R3HDM1: variants seen among roughly 807,000 people sequenced by gnomAD.
R3HDM1 encodes the protein R3H domain-containing protein 1.
Under a neutral mutation model 141.1 loss-of-function variants are expected in R3HDM1, and 46 were observed. The observed-to-expected ratio is 0.33, with a 90% CI of 0.26 to 0.42. The LOEUF is 0.42. R3HDM1 is among the 10% of genes least tolerant of loss of function. R3HDM1 has a pLI of 1.00. For synonymous variants in R3HDM1, 435 were observed against 472.9 expected (o/e 0.92, Z 1.04); for missense variants, 1,184 against 1,368.3 (o/e 0.87, Z 2.12).
intron 1 of R3HDM1, among the ~76,000 whole-genome samples, chr2:135,545,125 G>A (rs1698414753): frequency 6.6e-6 from 1 of 152,054 alleles, no homozygotes; most frequent in Non-Finnish European, 1.5e-5. Flanking sequence ...TATTCCAATG[G>A]TAATTTTAAT....
intron 16 of R3HDM1, 38 bp from the exon 17 acceptor site, chr2:135,649,864 C>A: frequency 8.7e-7 from 1 of 1,143,318 alleles, no homozygotes; most frequent in Non-Finnish European, 1.1e-6. Flanking sequence ...ACGTTTTATT[C>A]TGACATTAAC....
chr2:135,536,471 A>G lies in R3HDM1; in HGVS notation c.-250+4838A>G, dbSNP rs1009130862. ...CTATTTCATAAATAGTGGATTGCAC[A>G]GCATGTTTAAATCATGTTTGCTTTA... On this transcript the variant is annotated intron_variant, in intron 1 of 26. Coordinates refer to ENST00000683871, the MANE Select transcript of R3HDM1 (RefSeq NM_001378107.1). 4.8e-6 allele frequency: 4 copies of G among 838,060 alleles called. No homozygotes were observed. In the African/African-American group the frequency reaches 5.6e-5, roughly 12 times the overall value. The allele number at this position is 838,060 out of a possible 1,614,324, so 51.9% of individuals were successfully genotyped here. A position where few individuals can be genotyped will look rare whatever the true frequency, so the allele number is the denominator to read the frequency against.
At chr2:135,630,490 G>A (rs567017403) in intron 7 of R3HDM1, among the ~76,000 whole-genome samples, 1 of 151,826 alleles carries the variant, frequency 6.6e-6, no homozygotes, top group Non-Finnish European at 1.5e-5. Flanking sequence ...AAGTAGACAT[G>A]TTTTTCTGTT....
chr2:135,613,314 C>G (rs1216337532), intron 3 of R3HDM1, among the ~76,000 whole-genome samples: 2 of 152,204 alleles, frequency 1.3e-5, no homozygotes, highest in Non-Finnish European at 2.9e-5. Context: ...TTCTGAGAGG[C>G]TGCTCATAGT....
intron 1 of R3HDM1, chr2:135,597,341 AT>A: frequency 1.1e-6 from 1 of 908,602 alleles, no homozygotes; most frequent in Non-Finnish European, 1.3e-6. Flanking sequence ...TATTTGGTAA[AT>A]TTTTGTTAAA....
intron 1 of R3HDM1, among the ~76,000 whole-genome samples, chr2:135,594,967 G>C (rs971419184): frequency 2.0e-5 from 3 of 146,622 alleles, no homozygotes; most frequent in African/African-American, 7.9e-5. Context: ...GTGTTCCCTA[G>C]GGATTCTACA....
intron 20 of R3HDM1, among the ~76,000 whole-genome samples, chr2:135,679,316 CCTACTATAA>C (rs2069805933): frequency 6.6e-6 from 1 of 152,056 alleles, no homozygotes; most frequent in South Asian, 2.1e-4. Context: ...TTACTGAATG[CCTACTATAA>C]CTAGATACTT....
Position 135,724,022 on chromosome 2 carries a change from A to C in R3HDM1, c.3135A>C (p.Lys1045Asn). Residue 1045 changes from lysine (K) to asparagine (N), a missense_variant, in exon 27 of 27, where the codon AAA (lysine) becomes AAC (asparagine). Physicochemically the swap from Lys to Asn is moderately conservative, Grantham distance 94 (BLOSUM62 0). Transcript: ENST00000683871. ...EAEKLFGELF[K>N]IGAKIRWLRD... The stretch of plus-strand genomic sequence containing the variant: ...AAAAGCTTTTTGGGGAACTCTTTAA[A>C]ATTGGCGCCAAGATCCGGTGGCTCC... 4 of 1,613,986 alleles carry C rather than the reference A, an allele frequency of 2.5e-6. No individual in the cohort carries two copies. Among genetic ancestry groups the C allele is most frequent in the Non-Finnish European group, 3.4e-6 (4 of 1,180,008 alleles).
chr2:135,625,581 G>T (rs527727494), intron 7 of R3HDM1, among the ~76,000 whole-genome samples: 3 of 152,122 alleles, frequency 2.0e-5, no homozygotes, highest in African/African-American at 7.2e-5. Context: ...AATCTCCAAA[G>T]AGCTATCTTT....
intron 18 of R3HDM1, among the ~76,000 whole-genome samples, chr2:135,660,914 T>C (rs928658045): frequency 3.3e-5 from 5 of 151,316 alleles, no homozygotes; most frequent in Non-Finnish European, 7.4e-5. Context: ...AGTAAATAGA[T>C]ATATACTGTA....
chr2:135,711,808 A>T (rs900981837), intron 23 of R3HDM1, among the ~76,000 whole-genome samples: 2 of 151,892 alleles, frequency 1.3e-5, no homozygotes, highest in African/African-American at 4.8e-5. Context: ...AAAATACAAA[A>T]CTTAGCTGGA....
intron 21 of R3HDM1, among the ~76,000 whole-genome samples, chr2:135,693,758 A>G (rs609824): frequency 0.014 from 2,130 of 152,356 alleles, 47 homozygotes; most frequent in African/African-American, 0.048. Flanking sequence ...CTGTAATCCC[A>G]GCACTCTGGG....
At chr2:135,584,101 G>A in intron 1 of R3HDM1, 1 of 950,314 alleles carries the variant, frequency 1.1e-6, no homozygotes. Flanking sequence ...GCCAAAGCAG[G>A]TGGATCACTT....
chr2:135,609,400 G>A (rs9679373), intron 3 of R3HDM1, among the ~76,000 whole-genome samples: 2 of 152,108 alleles, frequency 1.3e-5, no homozygotes, highest in Non-Finnish European at 2.9e-5. Flanking sequence ...GAAGTTAACT[G>A]TCCCACATAA....
chr2:135,668,196 A>C (rs2067811553), intron 19 of R3HDM1, among the ~76,000 whole-genome samples: 1 of 152,002 alleles, frequency 6.6e-6, no homozygotes, highest in African/African-American at 2.4e-5. Context: ...GCTTGTGATT[A>C]TAGTAATTTT....
intron 7 of R3HDM1, among the ~76,000 whole-genome samples, chr2:135,630,106 C>G (rs530380422): frequency 1.3e-5 from 2 of 150,234 alleles, no homozygotes; most frequent in Non-Finnish European, 3.0e-5. Flanking sequence ...GGAGAAACCC[C>G]GACTCTACTA....
intron 1 of R3HDM1, among the ~76,000 whole-genome samples, chr2:135,563,153 A>G (rs924725786): frequency 2.0e-5 from 3 of 152,196 alleles, no homozygotes; most frequent in South Asian, 2.1e-4. Context: ...CAAGTAGTCT[A>G]TGAGATCATA....
At position 135,531,615 on chromosome 2, in the gene R3HDM1, C is replaced by T; in HGVS notation, c.-268C>T. 4 of 987,154 alleles carry T rather than the reference C, an allele frequency of 4.1e-6. No homozygotes were observed. Among genetic ancestry groups the T allele is most frequent in the Non-Finnish European group, 3.6e-6 (3 of 830,950 alleles). The allele number at this position is 987,154 out of a possible 1,614,324, so 61.1% of individuals were successfully genotyped here. On this transcript the variant is annotated 5_prime_UTR_variant, in exon 1 of 27. Transcript: ENST00000683871. ...CGCCGCGCCGCGCTCCAACCGCCTCCTCCTCCTCAGTAACGCGGGTAAGAG... is the reference window on the plus strand; with the variant it reads ...CGCCGCGCCGCGCTCCAACCGCCTCTTCCTCCTCAGTAACGCGGGTAAGAG...
At chr2:135,663,710 G>A (rs1439687529) in intron 19 of R3HDM1, among the ~76,000 whole-genome samples, 1 of 151,990 alleles carries the variant, frequency 6.6e-6, no homozygotes. Context: ...TTTATAGTTA[G>A]CTCATCATTA....
Sources: gnomAD v4.1 joint callset for allele counts (sites outside exome capture counted in the v4.1 genomes callset) on GRCh38, gnomAD v4.1.1 for gene constraint, MANE v1.5 for transcripts, NCBI Gene and HGNC (gene_info 2026-07-23, HGNC 2026-07-21) for gene names.